Variants in PLEK2 observed in about 807,000 individuals in gnomAD.
PLEK2 encodes pleckstrin-2.
PLEK2 carries 29 observed loss-of-function variants against 43.8 expected under a neutral mutation model. That is an observed-to-expected ratio of 0.66 (90% CI 0.49 to 0.90). The LOEUF is 0.90. Ranked by LOEUF, PLEK2 falls within the 40% of genes least tolerant of loss-of-function variation. The pLI, the probability that PLEK2 is intolerant of heterozygous loss-of-function variation, is 0.00. For synonymous variants in PLEK2, 162 were observed against 173.2 expected, an observed-to-expected ratio of 0.94 and a Z score of 0.51; for missense variants, 398 against 448.1, an observed-to-expected ratio of 0.89 and a Z score of 1.01.
At chr14:67,398,633 G>A (rs999693248) in intron 1 of PLEK2, among the ~76,000 whole-genome samples, 10 of 121,732 alleles carry the variant, frequency 8.2e-5, no homozygotes, top group Admixed American at 7.4e-4. Context: ...CCACCTAAAC[G>A]ACCCTTCTCT....
intron 1 of PLEK2, among the ~76,000 whole-genome samples, chr14:67,409,582 C>CCCCCACTTCCCTCT (rs2086103408): frequency 6.6e-6 from 1 of 152,108 alleles, no homozygotes; most frequent in African/African-American, 2.4e-5. Flanking sequence ...CACGGCTCAT[C>CCCCCACTTCCCTCT]CCCCACTTCC....
intron 1 of PLEK2, chr14:67,398,201 A>G (rs570839212): frequency 6.3e-6 from 1 of 159,664 alleles, no homozygotes; most frequent in South Asian, 2.1e-4. Context: ...ATTATTTTAC[A>G]TATAGTTTTA....
intron 2 of PLEK2, among the ~76,000 whole-genome samples, 166 bp from the exon 3 acceptor site, chr14:67,395,749 C>CA (rs781126727): frequency 3.4e-4 from 52 of 152,308 alleles, no homozygotes; most frequent in Non-Finnish European, 6.2e-4. Flanking sequence ...TGGACACCTC[C>CA]AGTGACAGGA....
rs527645043 is a variant in PLEK2 at position 67,406,228 on chromosome 14, C to T, written c.42+5790G>A. On this transcript the variant is annotated intron_variant, in intron 1 of 8. Coordinates refer to ENST00000216446, the MANE Select transcript of PLEK2 (RefSeq NM_016445.3). The stretch of plus-strand genomic sequence containing the variant: ...GAGCCAAGATGGCGCCACTGCACTC[C>T]AGCCTCGGTGAAAGAGCAAGATTCC... 8.1e-5 allele frequency among the ~76,000 whole-genome samples: 12 copies of T among 147,528 alleles called. No homozygotes were observed. The South Asian group carries it at 2.4e-3, about 29-fold the overall frequency.
Position 67,392,878 on chromosome 14 carries a change from T to C in PLEK2, c.482-29A>G, listed in dbSNP as rs761916862. On this transcript the variant is annotated intron_variant, in intron 4 of 8. Transcript: ENST00000216446. ...GCCAAGGGCAGCACCAGTCAGGCGA[T>C]GGGTGATGGACCAGCGTCCTTGGGG... The C allele has an allele frequency of 6.4e-6, 10 of 1,573,640 alleles. No individual in the cohort carries two copies. The South Asian group carries it at 1.1e-4, about 18-fold the overall frequency.
At chr14:67,392,631 G>A (rs1463662422) in intron 5 of PLEK2, 31 bp downstream of exon 5, 1 of 1,582,720 alleles carries the variant, frequency 6.3e-7, no homozygotes, top group Non-Finnish European at 8.7e-7. Flanking sequence ...CTTTTGCCCT[G>A]GTGGCAAGAA....
At chr14:67,387,981 G>A (rs1201626826) in intron 8 of PLEK2, among the ~76,000 whole-genome samples, 1 of 152,140 alleles carries the variant, frequency 6.6e-6, no homozygotes, top group Non-Finnish European at 1.5e-5. Context: ...GAAGCTTATG[G>A]GCCATCAGCA....
chr14:67,399,894 A>C (rs1245333378), intron 1 of PLEK2, among the ~76,000 whole-genome samples: 1 of 152,220 alleles, frequency 6.6e-6, no homozygotes, highest in Non-Finnish European at 1.5e-5. Flanking sequence ...TTTAGTACAC[A>C]GTCACAAAAG....
intron 1 of PLEK2, among the ~76,000 whole-genome samples, chr14:67,405,466 G>A (rs1443431014): frequency 6.6e-6 from 1 of 152,100 alleles, no homozygotes; most frequent in Non-Finnish European, 1.5e-5. Context: ...CTAATCCAGT[G>A]GGGAAGACAG....
intron 2 of PLEK2, among the ~76,000 whole-genome samples, chr14:67,396,927 A>T (rs1424020328): frequency 1.3e-5 from 2 of 151,980 alleles, no homozygotes; most frequent in African/African-American, 4.8e-5. Flanking sequence ...GCCCTTGATA[A>T]ATAATTTATT....
Position 67,387,472 on chromosome 14 carries a change from G to T in PLEK2, c.935-16C>A. 6.3e-7 allele frequency: 1 copy of T among 1,594,262 alleles called. No individual in the cohort carries two copies. The highest frequency in any genetic ancestry group is 8.5e-7 in the Non-Finnish European group (1 of 1,173,208). On this transcript the variant is annotated splice_polypyrimidine_tract_variant and intron_variant, in intron 8 of 8. Transcript: ENST00000216446. Reference sequence around the variant, plus strand: ...CCTTTAACCCCTAGGCAGAAAAAAGGGGGAAAAAAATCAGTGATTGAATAG... The same window carrying T: ...CCTTTAACCCCTAGGCAGAAAAAAGTGGGAAAAAAATCAGTGATTGAATAG...
In PLEK2 at chr14:67,392,692, G is replaced by A; in HGVS notation, c.639C>T (p.Phe213=). The change falls in exon 5 of 9, where the codon TTC becomes TTT. Residue 213 remains phenylalanine, a synonymous_variant. Transcript: ENST00000216446. The stretch of plus-strand genomic sequence containing the variant: ...TGTACAGGGCTGTGGAGTCATCCAG[G>A]AACTGCTCGGCCAGATCCCCAGAGC... ...AIRSGDLAEQ[F]LDDSTALYTF... 6.2e-7 allele frequency: 1 copy of A among 1,614,152 alleles called. No individual in the cohort carries two copies. The highest frequency in any genetic ancestry group is 8.5e-7 in the Non-Finnish European group (1 of 1,179,992).
intron 2 of PLEK2, among the ~76,000 whole-genome samples, chr14:67,397,315 T>C (rs940225750): frequency 6.6e-6 from 1 of 152,194 alleles, no homozygotes; most frequent in African/African-American, 2.4e-5. Flanking sequence ...AAAGCCATCA[T>C]AGTGAACCCC....
intron 1 of PLEK2, among the ~76,000 whole-genome samples, chr14:67,407,530 C>T (rs1334414865): frequency 2.6e-5 from 4 of 151,700 alleles, no homozygotes; most frequent in African/African-American, 7.3e-5. Context: ...AGCCTCAAAC[C>T]CCTGGGCTCA....
intron 6 of PLEK2, among the ~76,000 whole-genome samples, chr14:67,391,658 G>A (rs369818511): frequency 1.3e-5 from 2 of 152,158 alleles, no homozygotes; most frequent in Admixed American, 6.5e-5. Context: ...GCACAAACAC[G>A]AAGGCTGTGC....
rs751197145 is a variant in PLEK2, at chr14:67,397,820, T to C, written c.49A>G (p.Ile17Val). ...KEGFLVKRGH[I>V]VHNWKARWFI... ...CATCGCGCCTTCCAGTTGTGGACAATGTGGCCCTATGGACAGACAAGAAAG... is the reference window on the plus strand; with the variant it reads ...CATCGCGCCTTCCAGTTGTGGACAACGTGGCCCTATGGACAGACAAGAAAG... The change falls in exon 2 of 9, where the codon ATT becomes GTT. Residue 17 changes from isoleucine (I) to valine (V), a missense_variant. Coordinates refer to ENST00000216446, the MANE Select transcript of PLEK2 (RefSeq NM_016445.3). 4 of 1,609,744 alleles carry C rather than the reference T, an allele frequency of 2.5e-6. No individual in the cohort carries two copies. The highest frequency in any genetic ancestry group is 3.4e-6 in the Non-Finnish European group (4 of 1,177,948).
In PLEK2 at chr14:67,393,264, G is replaced by A. The variant is rs772055510; in HGVS notation, c.390-23C>T. The A allele has an allele frequency of 3.8e-6, 6 of 1,561,356 alleles. No homozygotes were observed. The African/African-American group carries it at 5.4e-5, about 14-fold the overall frequency. The stretch of plus-strand genomic sequence containing the variant: ...CGACTACATGGAAGGGAAGGCAAAG[G>A]AGAGGGAACCCTCATCACGCGGGCA... On this transcript the variant is annotated intron_variant, in intron 3 of 8. Transcript: ENST00000216446.
chr14:67,389,063 C>T (rs888515634), intron 7 of PLEK2, among the ~76,000 whole-genome samples: 6 of 151,644 alleles, frequency 4.0e-5, no homozygotes, highest in African/African-American at 9.7e-5. Context: ...CAAGAAACTT[C>T]GTGTGATACA....
chr14:67,389,027 G>A (rs1595654268), intron 7 of PLEK2, among the ~76,000 whole-genome samples: 2 of 151,398 alleles, frequency 1.3e-5, no homozygotes, highest in Admixed American at 6.6e-5. Context: ...ATAGGACATC[G>A]TTACACAAAT....
Sources: gnomAD v4.1 joint callset for allele counts (sites outside exome capture counted in the v4.1 genomes callset) on GRCh38, gnomAD v4.1.1 for gene constraint, MANE v1.5 for transcripts, NCBI Gene and HGNC (gene_info 2026-07-23, HGNC 2026-07-21) for gene names.